PRKAG2: variants seen among roughly 807,000 people sequenced by gnomAD.
PRKAG2 encodes the protein 5'-AMP-activated protein kinase subunit gamma-2.
Under a neutral mutation model 69.6 loss-of-function variants are expected in PRKAG2, and 26 were observed. That is an observed-to-expected ratio of 0.37 (90% CI 0.27 to 0.52). PRKAG2 has a LOEUF of 0.52. Ranked by LOEUF, PRKAG2 falls within the 20% of genes least tolerant of loss-of-function variation. PRKAG2 has a pLI of 0.90. For synonymous variants in PRKAG2, 293 were observed against 285.0 expected (o/e 1.03, Z -0.28); for missense variants, 557 against 740.0 (o/e 0.75, Z 2.87).
chr7:151,657,008 G>T (rs1379389243), intron 4 of PRKAG2, among the ~76,000 whole-genome samples: 1 of 151,932 alleles, frequency 6.6e-6, no homozygotes, highest in East Asian at 1.9e-4. Context: ...ATGGTGGCAG[G>T]CGCCTGGAAT....
intron 1 of PRKAG2, among the ~76,000 whole-genome samples, chr7:151,869,803 C>A (rs564410529): frequency 6.6e-6 from 1 of 152,216 alleles, no homozygotes; most frequent in African/African-American, 2.4e-5. Flanking sequence ...CAAGCTTCAT[C>A]AAAAACCCTG....
chr7:151,658,015 G>C (rs542913328), intron 4 of PRKAG2, among the ~76,000 whole-genome samples: 3 of 151,776 alleles, frequency 2.0e-5, no homozygotes. Flanking sequence ...AAAATTAGCT[G>C]GGCATGGTGG....
chr7:151,865,087 G>A (rs2080028407), intron 1 of PRKAG2, among the ~76,000 whole-genome samples: 1 of 152,192 alleles, frequency 6.6e-6, no homozygotes, highest in Admixed American at 6.5e-5. Context: ...TCTGGCCCCT[G>A]TGCACATGAC....
intron 6 of PRKAG2, among the ~76,000 whole-genome samples, chr7:151,584,639 A>G (rs1282796966): frequency 6.6e-6 from 1 of 152,218 alleles, no homozygotes; most frequent in East Asian, 1.9e-4. Flanking sequence ...AAGGAAGGCT[A>G]GGCACAGTGG....
intron 3 of PRKAG2, among the ~76,000 whole-genome samples, chr7:151,765,240 T>C (rs1001251583): frequency 6.6e-6 from 1 of 152,176 alleles, no homozygotes; most frequent in Non-Finnish European, 1.5e-5. Context: ...CTTACAATCA[T>C]GGCAGAAGGT....
rs948548134 is a variant in PRKAG2, at chr7:151,796,378, T to G, written c.115-9837A>C. 3.9e-5 allele frequency among the ~76,000 whole-genome samples: 6 copies of G among 152,286 alleles called. No individual in the cohort carries two copies. The East Asian group carries it at 9.7e-4, about 24-fold the overall frequency. On this transcript the variant is annotated intron_variant, in intron 1 of 15. Coordinates refer to ENST00000287878, the MANE Select transcript of PRKAG2 (RefSeq NM_016203.4). Reference sequence around the variant, plus strand: ...AGACGGATGTGAAGGGCCGTTGTCCTGGCAGTGCTTAGAGAACAACAGGAA... The same window carrying G: ...AGACGGATGTGAAGGGCCGTTGTCCGGGCAGTGCTTAGAGAACAACAGGAA...
intron 6 of PRKAG2, among the ~76,000 whole-genome samples, chr7:151,584,663 C>T (rs1175447391): frequency 6.6e-6 from 1 of 152,192 alleles, no homozygotes; most frequent in South Asian, 2.1e-4. Context: ...CGGGAGGCCG[C>T]AGCGCTGAGG....
At chr7:151,677,896 G>A (rs1297715411) in intron 3 of PRKAG2, among the ~76,000 whole-genome samples, 4 of 152,208 alleles carry the variant, frequency 2.6e-5, no homozygotes, top group East Asian at 1.9e-4. Context: ...AAGGCTGCTC[G>A]ATTTGCGAAT....
intron 4 of PRKAG2, among the ~76,000 whole-genome samples, chr7:151,661,003 ACTT>A (rs1192651770): frequency 6.6e-6 from 1 of 152,216 alleles, no homozygotes; most frequent in Non-Finnish European, 1.5e-5. Context: ...AATCTCCAGA[ACTT>A]CTTCATCTTA....
At chr7:151,643,586 G>A (rs1051828109) in intron 4 of PRKAG2, among the ~76,000 whole-genome samples, 17 of 152,280 alleles carry the variant, frequency 1.1e-4, no homozygotes, top group African/African-American at 3.6e-4. Context: ...CAATATTCCA[G>A]CTGAAATTAA....
intron 1 of PRKAG2, among the ~76,000 whole-genome samples, chr7:151,839,877 A>C (rs2079235377): frequency 6.6e-6 from 1 of 152,186 alleles, no homozygotes; most frequent in East Asian, 1.9e-4. Flanking sequence ...CAGCAGAGGA[A>C]GCTGAGCAGG....
At chr7:151,752,193 C>T (rs1308275750) in intron 3 of PRKAG2, among the ~76,000 whole-genome samples, 2 of 152,164 alleles carry the variant, frequency 1.3e-5, no homozygotes, top group Non-Finnish European at 2.9e-5. Flanking sequence ...AAATGTAGTA[C>T]ATATGTGCTG....
At chr7:151,658,156 C>CATAA (rs763621170) in intron 4 of PRKAG2, among the ~76,000 whole-genome samples, 26,210 of 120,626 alleles carry the variant, frequency 0.22, 3,555 homozygotes, top group African/African-American at 0.37. Context: ...GAGTCCGTCT[C>CATAA]ATAAATAAAT....
At chr7:151,630,473 G>T (rs905809453) in intron 5 of PRKAG2, among the ~76,000 whole-genome samples, 3 of 152,192 alleles carry the variant, frequency 2.0e-5, no homozygotes, top group African/African-American at 7.2e-5. Flanking sequence ...TAAATGCCAT[G>T]ATACGGATTG....
chr7:151,730,993 G>A (rs2270212), intron 3 of PRKAG2, among the ~76,000 whole-genome samples: 7 of 151,904 alleles, frequency 4.6e-5, no homozygotes, highest in Non-Finnish European at 8.8e-5. Context: ...CTGACACACC[G>A]CTTGGACTCC....
chr7:151,564,005 C>G, intron 14 of PRKAG2, 73 bp downstream of exon 14: 1 of 1,604,054 alleles, frequency 6.2e-7, no homozygotes, highest in Non-Finnish European at 8.5e-7. Context: ...TTCAGGCTTC[C>G]AGAGGCATCA....
At chr7:151,623,448 G>A (rs940795147) in intron 5 of PRKAG2, among the ~76,000 whole-genome samples, 1 of 147,698 alleles carries the variant, frequency 6.8e-6, no homozygotes, top group African/African-American at 2.5e-5. Flanking sequence ...AATAGGGTTC[G>A]CGCTCCTATG....
At chr7:151,612,755 G>C (rs754153551) in intron 5 of PRKAG2, among the ~76,000 whole-genome samples, 2 of 152,320 alleles carry the variant, frequency 1.3e-5, no homozygotes, top group South Asian at 2.1e-4. Context: ...CATTCCCAAA[G>C]GCACAGGTGC....
At chr7:151,663,045 T>C (rs767761315) in intron 4 of PRKAG2, among the ~76,000 whole-genome samples, 3 of 152,140 alleles carry the variant, frequency 2.0e-5, no homozygotes, top group South Asian at 2.1e-4. Flanking sequence ...CTGGCCAACA[T>C]GGCAAAACGC....
Sources: allele counts gnomAD v4.1 joint callset (sites outside exome capture counted in the v4.1 genomes callset), GRCh38; gene constraint gnomAD v4.1.1; transcripts MANE v1.5; gene names NCBI Gene and HGNC (gene_info 2026-07-23, HGNC 2026-07-21).